The following SCN11A variants were observed in gnomAD, a reference collection of about 807,000 sequenced individuals.
SCN11A encodes the protein sodium voltage-gated channel alpha subunit 11.
SCN11A carries 122 observed loss-of-function variants against 162.2 expected under a neutral mutation model. The ratio of observed to expected loss-of-function variants is 0.75; its 90% CI spans 0.65 to 0.87. The LOEUF is 0.87. Among genes scored for constraint, SCN11A ranks in the 40% least tolerant of loss-of-function variants. The pLI, the probability that SCN11A is intolerant of heterozygous loss-of-function variation, is 0.00. For missense variants in SCN11A, 2,015 were observed against 2,181.6 expected (o/e 0.92, Z 1.52); for synonymous variants, 758 against 751.5 (o/e 1.01, Z -0.14).
At chr3:38,979,106 T>C (rs1395973889) in intron 2 of SCN11A, among the ~76,000 whole-genome samples, 1 of 152,252 alleles carries the variant, frequency 6.6e-6, no homozygotes, top group Non-Finnish European at 1.5e-5. Flanking sequence ...GCCTCTGTTA[T>C]GTAAATTCAC....
intron 28 of SCN11A, among the ~76,000 whole-genome samples, chr3:38,854,441 T>C (rs1379401989): frequency 2.0e-5 from 3 of 152,146 alleles, no homozygotes; most frequent in Non-Finnish European, 4.4e-5. Flanking sequence ...TTTAAACTCA[T>C]CAAAATTGAA....
rs1451028285 is a variant in SCN11A at position 38,894,916 on chromosome 3, C to A, written c.2452G>T (p.Glu818Ter). 1 of 1,613,994 alleles carries A rather than the reference C, an allele frequency of 6.2e-7. No homozygotes were observed. Among genetic ancestry groups the A allele is most frequent in the Non-Finnish European group, 8.5e-7 (1 of 1,179,936 alleles). ...TCTCCTTCTAAGTTTCCATTTCTTT[C>A]CTCATTGCTAAAGGAATTGAGCAGT... The part of the protein sequence containing the change: ...ALLLNSFSNE[E>*]RNGNLEGEAR... The change falls in exon 19 of 30, where the codon GAA becomes TAA. Residue 818 changes from glutamate (E) to a stop codon, truncating the protein, a stop_gained. Coordinates refer to ENST00000302328, the MANE Select transcript of SCN11A (RefSeq NM_001349253.2). LOFTEE classifies it high-confidence loss of function.
intron 14 of SCN11A, among the ~76,000 whole-genome samples, chr3:38,907,005 T>C (rs1057188174): frequency 6.6e-6 from 1 of 152,074 alleles, no homozygotes; most frequent in Admixed American, 6.5e-5. Context: ...TCTAGGCTTT[T>C]GCACATTCTA....
intron 1 of SCN11A, among the ~76,000 whole-genome samples, chr3:39,038,887 CCT>C (rs2031972269): frequency 6.6e-6 from 1 of 152,162 alleles, no homozygotes; most frequent in Admixed American, 6.5e-5. Context: ...CATTTCTTCC[CCT>C]GATCATAAGG....
rs188120575 is a variant in SCN11A at position 38,979,727 on chromosome 3, C to T, written c.-279-19304G>A. On this transcript the variant is annotated intron_variant, in intron 2 of 29. Transcript: ENST00000302328. ...GCCAATCTCTAAGTCAAGCTCTTGT[C>T]CCTGGCATCTCAACCATTCTAACAG... 6.6e-5 allele frequency among the ~76,000 whole-genome samples: 10 copies of T among 152,254 alleles called. No homozygotes were observed. In the East Asian group the frequency reaches 1.9e-3, roughly 29 times the overall value.
At chr3:38,864,811 T>C (rs1255793797) in intron 27 of SCN11A, among the ~76,000 whole-genome samples, 2 of 152,088 alleles carry the variant, frequency 1.3e-5, no homozygotes, top group South Asian at 2.1e-4. Context: ...AGTTGTCAAA[T>C]GGAAAGACCT....
intron 2 of SCN11A, among the ~76,000 whole-genome samples, chr3:38,978,653 A>T (rs2066863847): frequency 6.6e-6 from 1 of 152,214 alleles, no homozygotes; most frequent in African/African-American, 2.4e-5. Flanking sequence ...CTCAAAAAAA[A>T]AAATTAATAA....
chr3:39,032,341 A>C (rs1480766815), intron 2 of SCN11A, among the ~76,000 whole-genome samples, 39 bp downstream of exon 2: 1 of 152,222 alleles, frequency 6.6e-6, no homozygotes, highest in African/African-American at 2.4e-5. Flanking sequence ...AAAATATATT[A>C]ATTCCTCTTG....
intron 2 of SCN11A, among the ~76,000 whole-genome samples, chr3:38,973,608 T>C (rs943586977): frequency 6.6e-6 from 1 of 152,156 alleles, no homozygotes; most frequent in Non-Finnish European, 1.5e-5. Context: ...GGATAAAATA[T>C]TAAAAGTTTA....
intron 2 of SCN11A, among the ~76,000 whole-genome samples, chr3:38,976,807 G>A (rs146869941): frequency 2.0e-5 from 3 of 152,100 alleles, no homozygotes; most frequent in African/African-American, 7.2e-5. Context: ...TGCTCATCAT[G>A]CCCAGCAATT....
chr3:39,016,018 T>C (rs1330430916), intron 2 of SCN11A, among the ~76,000 whole-genome samples: 1 of 152,210 alleles, frequency 6.6e-6, no homozygotes, highest in Admixed American at 6.5e-5. Flanking sequence ...ATTACAAGCA[T>C]GAGCCACTAG....
At chr3:38,990,732 A>C (rs1044462393) in intron 2 of SCN11A, among the ~76,000 whole-genome samples, 7 of 152,144 alleles carry the variant, frequency 4.6e-5, no homozygotes, top group African/African-American at 1.4e-4. Context: ...TCTGCTTCCA[A>C]TCCCCTTTTC....
Position 39,001,961 on chromosome 3 carries a change from C to T in SCN11A, c.-280+30419G>A, listed in dbSNP as rs1026683637. On this transcript the variant is annotated intron_variant, in intron 2 of 29. Coordinates refer to ENST00000302328, the MANE Select transcript of SCN11A (RefSeq NM_001349253.2). ...CTGAGGCAGGAGAATGGCGTGAACC[C>T]GGGAGGCAGAGCTTGCAGTGAGCCT... Among the ~76,000 whole-genome samples the T allele has an allele frequency of 4.0e-5, 6 of 151,878 alleles. No individual in the cohort carries two copies. The East Asian group carries it at 5.8e-4, about 15-fold the overall frequency.
chr3:38,862,268 G>A (rs1046966836), intron 28 of SCN11A, among the ~76,000 whole-genome samples: 1 of 152,068 alleles, frequency 6.6e-6, no homozygotes, highest in Non-Finnish European at 1.5e-5. Context: ...GGTGAAAAGG[G>A]AACACTTTTA....
chr3:39,006,692 T>C (rs1320373983), intron 2 of SCN11A, among the ~76,000 whole-genome samples: 1 of 152,124 alleles, frequency 6.6e-6, no homozygotes, highest in Non-Finnish European at 1.5e-5. Flanking sequence ...TCCCTAGGAC[T>C]TTAGGAGGCC....
chr3:38,907,353 T>TAC (rs1314295859), intron 14 of SCN11A, among the ~76,000 whole-genome samples: 1 of 60,648 alleles, frequency 1.6e-5, no homozygotes, highest in South Asian at 8.9e-4. Flanking sequence ...TATATATCTA[T>TAC]ATATACACAC....
intron 2 of SCN11A, among the ~76,000 whole-genome samples, chr3:38,968,144 C>T (rs571021384): frequency 3.5e-4 from 53 of 152,312 alleles, no homozygotes; most frequent in Non-Finnish European, 7.4e-4. Context: ...TTGTCTCTTG[C>T]AGTTGTTGCT....
chr3:39,048,788 G>A (rs909027690), intron 1 of SCN11A, among the ~76,000 whole-genome samples: 1 of 152,222 alleles, frequency 6.6e-6, no homozygotes, highest in Admixed American at 6.5e-5. Context: ...CTTTCAACCA[G>A]ATTTTTCTTC....
chr3:38,849,234 C>T (rs1322186570), intron 29 of SCN11A: 6 of 136,838 alleles, frequency 4.4e-5, no homozygotes, highest in African/African-American at 1.4e-4. Context: ...CCTCCCCAGA[C>T]ATCTGACCAC....
Sources: allele counts gnomAD v4.1 joint callset (sites outside exome capture counted in the v4.1 genomes callset), GRCh38; gene constraint gnomAD v4.1.1; transcripts MANE v1.5; gene names NCBI Gene and HGNC (gene_info 2026-07-23, HGNC 2026-07-21).